The following ACVR2A variants were observed in gnomAD, a reference collection of about 807,000 sequenced individuals.
The protein encoded by ACVR2A is activin receptor type-2A.
A neutral mutation model predicts 61.4 loss-of-function variants in ACVR2A; 7 were observed. The observed-to-expected ratio is 0.11, with a 90% CI of 0.06 to 0.21. The LOEUF is 0.21. Ranked by LOEUF, ACVR2A falls within the 10% of genes least tolerant of loss-of-function variation. ACVR2A has a pLI of 1.00. For missense variants in ACVR2A, 322 were observed against 621.7 expected, an observed-to-expected ratio of 0.52 and a Z score of 5.13; for synonymous variants, 193 against 208.3, an observed-to-expected ratio of 0.93 and a Z score of 0.63.
chr2:147,858,966 G>C (rs967788072), intron 1 of ACVR2A, among the ~76,000 whole-genome samples: 2 of 151,950 alleles, frequency 1.3e-5, no homozygotes, highest in East Asian at 3.9e-4. Flanking sequence ...TTTGACCTGA[G>C]GGCTGTAGTT....
At chr2:147,912,562 T>C (rs1687144546) in intron 4 of ACVR2A, among the ~76,000 whole-genome samples, 1 of 151,956 alleles carries the variant, frequency 6.6e-6, no homozygotes, top group South Asian at 2.1e-4. Flanking sequence ...AGGTATACAT[T>C]TTTATTTTTA....
At position 147,845,137 on chromosome 2, in the gene ACVR2A, C is replaced by G. The variant is rs370759306; in HGVS notation, c.-16C>G. The G allele has an allele frequency of 4.3e-6, 7 of 1,612,630 alleles. No homozygotes were observed. Among genetic ancestry groups the G allele is most frequent in the Non-Finnish European group, 5.9e-6 (7 of 1,179,654 alleles). On this transcript the variant is annotated 5_prime_UTR_variant, in exon 1 of 11. Transcript: ENST00000241416. ...CTAGCGAGAACTTCCTCCGGATTCC[C>G]CGGCGCCTCGGGAAAATGGGAGCTG...
chr2:147,891,385 T>C (rs1417731857), intron 1 of ACVR2A, among the ~76,000 whole-genome samples: 1 of 152,028 alleles, frequency 6.6e-6, no homozygotes, highest in East Asian at 1.9e-4. Flanking sequence ...CCCAACAAAA[T>C]AAACAAAAGG....
At chr2:147,895,961 G>C (rs575788822) in intron 1 of ACVR2A, among the ~76,000 whole-genome samples, 1 of 152,196 alleles carries the variant, frequency 6.6e-6, no homozygotes, top group South Asian at 2.1e-4. Flanking sequence ...AGTTATGTTT[G>C]CTTAGTTTTT....
intron 5 of ACVR2A, among the ~76,000 whole-genome samples, chr2:147,916,755 G>A (rs1377727927): frequency 6.6e-6 from 1 of 151,832 alleles, no homozygotes; most frequent in East Asian, 1.9e-4. Flanking sequence ...GTGAATATAT[G>A]GTGTCTTAAA....
chr2:147,928,054 A>T lies in ACVR2A; in HGVS notation c.*780A>T, dbSNP rs1358376259. On this transcript the variant is annotated 3_prime_UTR_variant, in exon 11 of 11. Transcript: ENST00000241416. ...CATTTCTTGTGCTGGCTTGTAATGTAGGGAAAAAAAGTGCTGTTTTTTGAA... is the reference window on the plus strand; with the variant it reads ...CATTTCTTGTGCTGGCTTGTAATGTTGGGAAAAAAAGTGCTGTTTTTTGAA... The T allele has an allele frequency of 6.6e-6, 1 of 152,310 alleles. No individual in the cohort carries two copies. The highest frequency in any genetic ancestry group is 1.5e-5 in the Non-Finnish European group (1 of 67,898). 9.4% of individuals were successfully genotyped at this position (152,310 alleles called of 1,614,324 possible).
At chr2:147,908,679 T>C (rs1011165011) in intron 4 of ACVR2A, among the ~76,000 whole-genome samples, 10 of 152,136 alleles carry the variant, frequency 6.6e-5, no homozygotes, top group Admixed American at 3.9e-4. Flanking sequence ...TGGTAAAATT[T>C]CTTAGAATGT....
intron 1 of ACVR2A, among the ~76,000 whole-genome samples, chr2:147,883,629 A>G (rs1686364467): frequency 6.6e-6 from 1 of 152,156 alleles, no homozygotes; most frequent in African/African-American, 2.4e-5. Context: ...GTTGGTGATT[A>G]TGGCCTGTTA....
At chr2:147,925,081 C>T (rs1260349847) in intron 9 of ACVR2A, among the ~76,000 whole-genome samples, 1 of 151,990 alleles carries the variant, frequency 6.6e-6, no homozygotes, top group Admixed American at 6.6e-5. Flanking sequence ...TGCACACATA[C>T]ATCTATCTGG....
intron 4 of ACVR2A, among the ~76,000 whole-genome samples, chr2:147,907,162 A>T (rs1371506097): frequency 6.6e-6 from 1 of 152,142 alleles, no homozygotes; most frequent in Admixed American, 6.5e-5. Flanking sequence ...CCTGCAAAGG[A>T]CATGATCTCA....
intron 1 of ACVR2A, among the ~76,000 whole-genome samples, chr2:147,869,606 T>A (rs1685960570): frequency 6.6e-6 from 1 of 152,232 alleles, no homozygotes; most frequent in African/African-American, 2.4e-5. Context: ...GGCCTATGCT[T>A]ATGCTCTAGT....
intron 4 of ACVR2A, among the ~76,000 whole-genome samples, chr2:147,902,701 A>G (rs1436388766): frequency 6.6e-6 from 1 of 152,012 alleles, no homozygotes; most frequent in Non-Finnish European, 1.5e-5. Flanking sequence ...GTAGATAAAA[A>G]TATCTGTGCT....
In ACVR2A at chr2:147,924,317, T is replaced by C. The variant is rs1406199324; in HGVS notation, c.1216+1206T>C. Reference sequence around the variant, plus strand: ...ATTTAGGAGACACAAGACCTTATTCTCAAGTAATATACAGTTTAGTTAGGG... The same window carrying C: ...ATTTAGGAGACACAAGACCTTATTCCCAAGTAATATACAGTTTAGTTAGGG... On this transcript the variant is annotated intron_variant, in intron 9 of 10. Transcript: ENST00000241416. Among the ~76,000 whole-genome samples the C allele has an allele frequency of 2.0e-5, 3 of 152,048 alleles. No individual in the cohort carries two copies. The East Asian group carries it at 5.8e-4, about 29-fold the overall frequency.
intron 5 of ACVR2A, 133 bp from the exon 6 acceptor site, chr2:147,917,150 C>A: frequency 1.1e-6 from 1 of 941,910 alleles, no homozygotes. Context: ...TATTACAAAA[C>A]AGAACAAAAA....
At position 147,896,391 on chromosome 2, in the gene ACVR2A, C is replaced by A; in HGVS notation, c.146C>A (p.Pro49Gln). 6.2e-7 allele frequency: 1 copy of A among 1,613,836 alleles called. No homozygotes were observed. The highest frequency in any genetic ancestry group is 1.7e-5 in the Admixed American group (1 of 60,004). ...KDRTNQTGVE[P>Q]CYGDKDKRRH... ...AGAACCAATCAAACTGGTGTTGAAC[C>A]GTGTTATGGTGACAAAGATAAACGG... The change falls in exon 2 of 11, where the codon CCG (proline) becomes CAG (glutamine). Residue 49 changes from proline (P) to glutamine (Q), a missense_variant. Physicochemically the swap from Pro to Gln is moderately conservative, Grantham distance 76 (BLOSUM62 -1). This residue lies in a region of ACVR2A where 142 missense variants were observed against 200.3 expected (regional missense o/e 0.71). Transcript: ENST00000241416.
chr2:147,910,741 C>T (rs530331711), intron 4 of ACVR2A, among the ~76,000 whole-genome samples: 25 of 152,120 alleles, frequency 1.6e-4, no homozygotes, highest in African/African-American at 6.0e-4. Context: ...AAATGAAAAT[C>T]CTGTTCTCTA....
intron 10 of ACVR2A, among the ~76,000 whole-genome samples, 165 bp from the exon 11 acceptor site, chr2:147,926,915 T>C (rs764287614): frequency 1.3e-5 from 2 of 151,860 alleles, no homozygotes; most frequent in Non-Finnish European, 2.9e-5. Context: ...AAAGTTCTGT[T>C]TGTGCTTTTC....
At chr2:147,883,403 C>T (rs1022708694) in intron 1 of ACVR2A, among the ~76,000 whole-genome samples, 1 of 152,158 alleles carries the variant, frequency 6.6e-6, no homozygotes, top group African/African-American at 2.4e-5. Flanking sequence ...GTTGGCCAGG[C>T]TGGTCTAAAA....
chr2:147,857,536 A>G, intron 1 of ACVR2A, among the ~76,000 whole-genome samples: 1 of 149,166 alleles, frequency 6.7e-6, no homozygotes, highest in East Asian at 1.9e-4. Context: ...TTTCTTTAAA[A>G]AAAAAAAAAA....
Sources: allele counts gnomAD v4.1 joint callset (sites outside exome capture counted in the v4.1 genomes callset), GRCh38; gene constraint gnomAD v4.1.1; regional missense constraint gnomAD v4.1.1; transcripts MANE v1.5; gene names NCBI Gene and HGNC (gene_info 2026-07-23, HGNC 2026-07-21).